The following RIMKLB variants were observed in gnomAD, a reference collection of about 807,000 sequenced individuals.
RIMKLB encodes ribosomal modification protein rimK like family member B.
Under a neutral mutation model 32.0 loss-of-function variants are expected in RIMKLB, and 7 were observed. The ratio of observed to expected loss-of-function variants is 0.22; its 90% CI spans 0.12 to 0.41. The LOEUF is 0.41. Ranked by LOEUF, RIMKLB falls within the 10% of genes least tolerant of loss-of-function variation. The pLI is 1.00. For synonymous variants in RIMKLB, 172 were observed against 185.1 expected, an observed-to-expected ratio of 0.93 and a Z score of 0.57; for missense variants, 289 against 498.7, an observed-to-expected ratio of 0.58 and a Z score of 4.00.
chr12:8,723,581 A>G (rs536240611), intron 2 of RIMKLB, among the ~76,000 whole-genome samples: 2 of 152,222 alleles, frequency 1.3e-5, no homozygotes, highest in East Asian at 1.9e-4. Flanking sequence ...GCAAAAGGCA[A>G]TAAGTTAAAG....
At chr12:8,716,404 A>G (rs979277138) in intron 2 of RIMKLB, among the ~76,000 whole-genome samples, 43 of 127,584 alleles carry the variant, frequency 3.4e-4, no homozygotes, top group Admixed American at 9.7e-4. Context: ...CCTTTCTCCC[A>G]TTAACCTAGC....
chr12:8,754,107 A>G lies in RIMKLB; in HGVS notation c.697+14A>G. 1 of 1,564,136 alleles carries G rather than the reference A, an allele frequency of 6.4e-7. No homozygotes were observed. The highest frequency in any genetic ancestry group is 8.8e-7 in the Non-Finnish European group (1 of 1,134,388). ...ACTGCTCATTAGGTAAAAATAATGC[A>G]ATTATCTTTCTAGTATATAAAGTAA... On this transcript the variant is annotated intron_variant, in intron 5 of 5. Coordinates refer to ENST00000535829, the MANE Select transcript of RIMKLB (RefSeq NM_001297776.2).
downstream of RIMKLB, chr12:8,777,491 A>G: frequency 8.9e-7 from 1 of 1,125,742 alleles, no homozygotes; most frequent in Middle Eastern, 3.9e-4. Flanking sequence ...TTCTATATTA[A>G]TGAAAGTTTG....
At chr12:8,728,497 A>G (rs1334792494) in intron 2 of RIMKLB, among the ~76,000 whole-genome samples, 1 of 152,164 alleles carries the variant, frequency 6.6e-6, no homozygotes, top group African/African-American at 2.4e-5. Flanking sequence ...CATAATGTCC[A>G]GAGGGGGCTG....
chr12:8,780,832 C>A (rs935707514), downstream of RIMKLB: 2 of 152,284 alleles, frequency 1.3e-5, no homozygotes, highest in East Asian at 3.9e-4. Context: ...TCATAAATGC[C>A]TGTAGGTCCT....
At chr12:8,749,813 G>T in intron 2 of RIMKLB, 49 bp from the exon 3 acceptor site, 2 of 1,195,918 alleles carry the variant, frequency 1.7e-6, no homozygotes, top group East Asian at 2.4e-5. Context: ...CCTCTATTTT[G>T]TTGTATATTT....
intron 2 of RIMKLB, among the ~76,000 whole-genome samples, chr12:8,723,112 G>A (rs571097336): frequency 4.1e-4 from 63 of 152,292 alleles, no homozygotes; most frequent in Non-Finnish European, 7.9e-4. Context: ...TGGCACAAGA[G>A]GTCTAGTTTC....
chr12:8,761,744 TC>T (rs1045651183), intron 5 of RIMKLB, among the ~76,000 whole-genome samples: 11 of 151,950 alleles, frequency 7.2e-5, no homozygotes, highest in Middle Eastern at 3.2e-3. Flanking sequence ...TGTCTGTCAG[TC>T]CCCCCTCTCA....
In RIMKLB at chr12:8,776,666, T is replaced by G. The variant is rs1283349299; in HGVS notation, c.*2882T>G. The G allele has an allele frequency of 4.1e-6, 4 of 971,868 alleles. No individual in the cohort carries two copies. The highest frequency in any genetic ancestry group is 4.9e-6 in the Non-Finnish European group (4 of 817,584). The allele number at this position is 971,868 out of a possible 1,614,324, so 60.2% of individuals were successfully genotyped here. Reference sequence around the variant, plus strand: ...GTATGAACTATTCTATTTAAAATTTTTAATAGTTTTTTTCTTTTTTGGTGC... The same window carrying G: ...GTATGAACTATTCTATTTAAAATTTGTAATAGTTTTTTTCTTTTTTGGTGC... On this transcript the variant is annotated 3_prime_UTR_variant, in exon 6 of 6. Transcript: ENST00000535829.
chr12:8,723,610 G>A (rs1028431095), intron 2 of RIMKLB, among the ~76,000 whole-genome samples: 2 of 152,054 alleles, frequency 1.3e-5, no homozygotes, highest in East Asian at 1.9e-4. Context: ...AATGAGGCAT[G>A]CTTGTATATT....
At chr12:8,732,593 C>T (rs1319520761) in intron 2 of RIMKLB, among the ~76,000 whole-genome samples, 5 of 152,120 alleles carry the variant, frequency 3.3e-5, no homozygotes, top group Non-Finnish European at 7.4e-5. Flanking sequence ...GATAATCTGA[C>T]ATTTTAACAT....
chr12:8,777,805 A>G, downstream of RIMKLB: 1 of 621,682 alleles, frequency 1.6e-6, no homozygotes, highest in Non-Finnish European at 2.1e-6. Flanking sequence ...GCCTACAGGT[A>G]ATTTAACTCT....
At chr12:8,697,141 A>G (rs1471095371), upstream of RIMKLB, 5 of 152,160 alleles carry the variant, frequency 3.3e-5, no homozygotes, top group African/African-American at 4.8e-5. Context: ...TTCACAACAA[A>G]GGCTCAGAGG....
At chr12:8,760,892 G>A (rs1949464961) in intron 5 of RIMKLB, among the ~76,000 whole-genome samples, 1 of 152,066 alleles carries the variant, frequency 6.6e-6, no homozygotes, top group South Asian at 2.1e-4. Context: ...TCTGTAGGTT[G>A]CCTGTTCACT....
intron 3 of RIMKLB, among the ~76,000 whole-genome samples, chr12:8,750,625 G>GT (rs59008678): frequency 0.025 from 3,702 of 146,524 alleles, 135 homozygotes; most frequent in African/African-American, 0.081. Context: ...TGGTAAAAGG[G>GT]TTTTTTTTTT....
chr12:8,775,137 G>T lies in RIMKLB; in HGVS notation c.*1353G>T, dbSNP rs1777678603. On this transcript the variant is annotated 3_prime_UTR_variant, in exon 6 of 6. Coordinates refer to ENST00000535829, the MANE Select transcript of RIMKLB (RefSeq NM_001297776.2). ...TCCTTTTGTTTCTAGCCTGTTCAGT[G>T]TACAGTTTATTCAAGGCTACATGCT... 1.0e-6 allele frequency: 1 copy of T among 985,610 alleles called. No individual in the cohort carries two copies. The highest frequency in any genetic ancestry group is 1.2e-6 in the Non-Finnish European group (1 of 829,834). 61.1% of individuals were successfully genotyped at this position (985,610 alleles called of 1,614,324 possible). A position where few individuals can be genotyped will look rare whatever the true frequency, so the allele number is the denominator to read the frequency against.
At chr12:8,702,129 G>T (rs11046858) in intron 1 of RIMKLB, among the ~76,000 whole-genome samples, 1 of 151,960 alleles carries the variant, frequency 6.6e-6, no homozygotes. Flanking sequence ...AATATGTTCT[G>T]TTCCATAACT....
rs190196525 is a variant in RIMKLB, at chr12:8,770,119, C to T, written c.698-3202C>T. On this transcript the variant is annotated intron_variant, in intron 5 of 5. Transcript: ENST00000535829. ...TCCCACATGCAGGCACCTGCCACCA[C>T]ACCCAGCTAATTTTTGTATTTTTAG... Among the ~76,000 whole-genome samples, 280 of 152,212 alleles carry T rather than the reference C, an allele frequency of 1.8e-3. 2 individuals carry two copies. Among genetic ancestry groups the T allele is most frequent in the African/African-American group, 6.6e-3 (274 of 41,542 alleles).
intron 1 of RIMKLB, among the ~76,000 whole-genome samples, chr12:8,704,525 T>A (rs1018423032): frequency 6.6e-5 from 10 of 152,234 alleles, no homozygotes; most frequent in Non-Finnish European, 1.3e-4. Flanking sequence ...TAGAATTGTT[T>A]AAACATAGAC....
Sources: allele counts gnomAD v4.1 joint callset (sites outside exome capture counted in the v4.1 genomes callset), GRCh38; gene constraint gnomAD v4.1.1; transcripts MANE v1.5; gene names NCBI Gene and HGNC (gene_info 2026-07-23, HGNC 2026-07-21).